Variants in GSAP observed in about 807,000 individuals in gnomAD.
The protein encoded by GSAP is gamma-secretase-activating protein.
In GSAP, 118 loss-of-function variants were observed where a neutral mutation model predicts 131.7. The observed-to-expected ratio is 0.90, with a 90% CI of 0.77 to 1.04. The LOEUF (loss-of-function observed/expected upper bound fraction) is 1.04, where lower values mean the gene tolerates loss of function less well. GSAP is among the 50% of genes least tolerant of loss of function. The pLI is 0.00. For synonymous variants in GSAP, 381 were observed against 363.4 expected (o/e 1.05, Z -0.55); for missense variants, 1,019 against 1,013.2 (o/e 1.01, Z -0.08).
chr7:77,359,632 C>T (rs1016093399), intron 14 of GSAP, among the ~76,000 whole-genome samples: 1 of 152,100 alleles, frequency 6.6e-6, no homozygotes, highest in Non-Finnish European at 1.5e-5. Context: ...ATAAAATATG[C>T]TTAAGAAGGA....
At chr7:77,412,267 T>C (rs1255308320) in intron 1 of GSAP, among the ~76,000 whole-genome samples, 1 of 152,188 alleles carries the variant, frequency 6.6e-6, no homozygotes, top group African/African-American at 2.4e-5. Flanking sequence ...GTGGTTTTGT[T>C]GTGAGAACTA....
chr7:77,397,232 T>C (rs1402876250), intron 4 of GSAP, 114 bp downstream of exon 4: 23 of 766,398 alleles, frequency 3.0e-5, no homozygotes, highest in Non-Finnish European at 4.8e-5. Context: ...AGAACATTTC[T>C]TTCCTAGGAA....
In GSAP at chr7:77,343,675, G is replaced by A. The variant is rs954003735; in HGVS notation, c.1545+5676C>T. On this transcript the variant is annotated intron_variant, in intron 19 of 30. Transcript: ENST00000257626. ...ACTGCCAGTTTTTCTCCTTCTCATC[G>A]GTCACTTCCACCTACTCCCCCACTG... Among the ~76,000 whole-genome samples the A allele has an allele frequency of 3.9e-5, 6 of 151,986 alleles. 1 individual carries two copies. In the South Asian group the frequency reaches 1.0e-3, roughly 26 times the overall value.
intron 5 of GSAP, among the ~76,000 whole-genome samples, chr7:77,392,783 C>A (rs1799789728): frequency 6.6e-6 from 1 of 152,278 alleles, no homozygotes; most frequent in Non-Finnish European, 1.5e-5. Flanking sequence ...TCTGGTTATT[C>A]AAGCTCTTGA....
intron 12 of GSAP, among the ~76,000 whole-genome samples, chr7:77,365,068 C>A (rs1795084971): frequency 6.6e-6 from 1 of 152,098 alleles, no homozygotes; most frequent in South Asian, 2.1e-4. Context: ...TCAAACAATC[C>A]TCCCACTTCA....
intron 14 of GSAP, among the ~76,000 whole-genome samples, chr7:77,358,748 T>C (rs1320918701): frequency 6.6e-6 from 1 of 152,252 alleles, no homozygotes; most frequent in African/African-American, 2.4e-5. Flanking sequence ...GGGTGACTGA[T>C]GGGATCATTT....
intron 19 of GSAP, among the ~76,000 whole-genome samples, chr7:77,346,830 A>G (rs1791953366): frequency 1.3e-5 from 2 of 151,988 alleles, no homozygotes; most frequent in African/African-American, 4.8e-5. Context: ...ATGTTATAAT[A>G]TCGGGTATTT....
intron 5 of GSAP, among the ~76,000 whole-genome samples, chr7:77,389,734 C>T (rs1397208785): frequency 2.0e-5 from 3 of 152,180 alleles, no homozygotes; most frequent in Non-Finnish European, 4.4e-5. Flanking sequence ...AATAGTGCCA[C>T]AATAAATGTA....
chr7:77,386,092 G>T (rs1798524608), intron 6 of GSAP, among the ~76,000 whole-genome samples: 1 of 152,030 alleles, frequency 6.6e-6, no homozygotes, highest in South Asian at 2.1e-4. Context: ...AATCCTGAAA[G>T]ACACAATCCC....
intron 1 of GSAP, among the ~76,000 whole-genome samples, chr7:77,410,063 G>T (rs192115168): frequency 6.6e-6 from 1 of 152,044 alleles, no homozygotes; most frequent in Admixed American, 6.6e-5. Context: ...GTACAGCCAG[G>T]GTTAAGAACC....
intron 19 of GSAP, among the ~76,000 whole-genome samples, chr7:77,342,697 CA>C (rs952929108): frequency 6.6e-5 from 10 of 152,184 alleles, no homozygotes; most frequent in Admixed American, 2.0e-4. Context: ...CATCCCACAG[CA>C]CACTTTAAAA....
chr7:77,361,862 G>A (rs966841653), intron 13 of GSAP, among the ~76,000 whole-genome samples: 3 of 152,276 alleles, frequency 2.0e-5, no homozygotes, highest in Non-Finnish European at 4.4e-5. Context: ...CCATAGATGT[G>A]TGAAATGGAA....
At chr7:77,357,380 G>A (rs377397943) in intron 14 of GSAP, among the ~76,000 whole-genome samples, 3 of 152,252 alleles carry the variant, frequency 2.0e-5, no homozygotes, top group African/African-American at 7.2e-5. Context: ...TCTTGAGATG[G>A]GGAGACTATC....
chr7:77,339,880 T>C (rs1790634841), intron 19 of GSAP, among the ~76,000 whole-genome samples: 1 of 152,224 alleles, frequency 6.6e-6, no homozygotes, highest in African/African-American at 2.4e-5. Context: ...ACAATGTTGA[T>C]AAGGGTATAG....
rs375732436 is a variant in GSAP at position 77,323,628 on chromosome 7, A to G, written c.1923+19T>C. On this transcript the variant is annotated intron_variant, in intron 24 of 30. Transcript: ENST00000257626. ...GTGGGGTGAAGGGGCATATGAGGAG[A>G]ATAAAAAGCAAGACCAACCAGTTTT... The G allele has an allele frequency of 7.6e-6, 10 of 1,323,478 alleles. No individual in the cohort carries two copies. The highest frequency in any genetic ancestry group is 9.8e-6 in the Non-Finnish European group (9 of 921,552). 82.0% of individuals were successfully genotyped at this position (1,323,478 alleles called of 1,614,324 possible).
At chr7:77,416,149 T>A in intron 1 of GSAP, 64 bp downstream of exon 1, 1 of 966,220 alleles carries the variant, frequency 1.0e-6, no homozygotes. Flanking sequence ...CGGGTCGGAG[T>A]CCGGGGGGTA....
At chr7:77,385,397 T>C (rs1364482195) in intron 6 of GSAP, among the ~76,000 whole-genome samples, 1 of 152,164 alleles carries the variant, frequency 6.6e-6, no homozygotes, top group Non-Finnish European at 1.5e-5. Context: ...CACTTTAATA[T>C]ATACAATTTT....
chr7:77,409,581 T>C (rs1238609395), intron 1 of GSAP, among the ~76,000 whole-genome samples: 2 of 152,192 alleles, frequency 1.3e-5, no homozygotes, highest in African/African-American at 4.8e-5. Context: ...AAGGCAGATA[T>C]TGTAGACATC....
In GSAP at chr7:77,312,015, T is replaced by C; in HGVS notation, c.2374-75A>G. 2.6e-6 allele frequency: 3 copies of C among 1,171,364 alleles called. No homozygotes were observed. In the South Asian group the frequency reaches 3.7e-5, roughly 15 times the overall value. 72.6% of individuals were successfully genotyped at this position (1,171,364 alleles called of 1,614,324 possible). A position where few individuals can be genotyped will look rare whatever the true frequency, so the allele number is the denominator to read the frequency against. ...AATTTTAAAATAAAGTGATAAGAAC[T>C]GTAATTGCTGTCCATACAGATATGT... is the stretch of plus-strand genomic sequence containing the variant. On this transcript the variant is annotated intron_variant, in intron 29 of 30. Coordinates refer to ENST00000257626, the MANE Select transcript of GSAP (RefSeq NM_017439.4).
Sources: allele counts gnomAD v4.1 joint callset (sites outside exome capture counted in the v4.1 genomes callset), GRCh38; gene constraint gnomAD v4.1.1; transcripts MANE v1.5; gene names NCBI Gene and HGNC (gene_info 2026-07-23, HGNC 2026-07-21).